NFIA: variants seen among roughly 807,000 people sequenced by gnomAD.
The protein encoded by NFIA is nuclear factor I A.
A neutral mutation model predicts 62.8 loss-of-function variants in NFIA; 8 were observed. The observed-to-expected ratio is 0.13, with a 90% CI of 0.07 to 0.23. NFIA has a LOEUF of 0.23. Among genes scored for constraint, NFIA ranks in the 10% least tolerant of loss-of-function variants. The pLI is 1.00. For missense variants in NFIA, 410 were observed against 642.1 expected (o/e 0.64, Z 3.91); for synonymous variants, 235 against 238.1 (o/e 0.99, Z 0.12).
intron 4 of NFIA, among the ~76,000 whole-genome samples, chr1:61,341,917 T>C (rs1482933364): frequency 6.6e-6 from 1 of 152,184 alleles, no homozygotes; most frequent in African/African-American, 2.4e-5. Flanking sequence ...AAATCCTATA[T>C]TACCCTGCAG....
intron 6 of NFIA, among the ~76,000 whole-genome samples, chr1:61,374,186 A>G (rs1044436958): frequency 1.3e-5 from 2 of 152,238 alleles, no homozygotes; most frequent in Admixed American, 6.5e-5. Context: ...TGAATAAAAC[A>G]TTATGCTATT....
chr1:61,269,972 G>A (rs149782364), intron 2 of NFIA, among the ~76,000 whole-genome samples: 2 of 152,276 alleles, frequency 1.3e-5, no homozygotes, highest in Admixed American at 1.3e-4. Flanking sequence ...ATGTCTGTCT[G>A]GAATAAACAA....
intron 2 of NFIA, among the ~76,000 whole-genome samples, chr1:61,255,987 AT>A (rs1557665052): frequency 6.6e-6 from 1 of 152,170 alleles, no homozygotes; most frequent in Non-Finnish European, 1.5e-5. Context: ...AGCTCTGTAA[AT>A]ACCTAGCATA....
chr1:61,364,734 A>G (rs534382560), intron 6 of NFIA, among the ~76,000 whole-genome samples: 7 of 152,296 alleles, frequency 4.6e-5, no homozygotes, highest in African/African-American at 1.7e-4. Flanking sequence ...CCAACAGTGA[A>G]TCCTTTGTAG....
At chr1:61,302,475 A>G (rs1484465485) in intron 3 of NFIA, among the ~76,000 whole-genome samples, 2 of 152,190 alleles carry the variant, frequency 1.3e-5, no homozygotes, top group South Asian at 4.1e-4. Flanking sequence ...GTTTCTAAGA[A>G]TCTCAGTTTT....
rs59077539 is a variant in NFIA, at chr1:61,145,812, C to T, written c.559+57132C>T. ...TGAGGTTTAACTCTTCATTAATGAA[C>T]GCTGTCACATTTTCTCTCTTCTCTG... On this transcript the variant is annotated intron_variant, in intron 2 of 10. Transcript: ENST00000403491. Among the ~76,000 whole-genome samples, 614 of 152,248 alleles carry T rather than the reference C, an allele frequency of 4.0e-3. 27 individuals carry two copies. The East Asian group carries it at 0.081, about 20-fold the overall frequency.
At position 61,232,123 on chromosome 1, in the gene NFIA, A is replaced by G. The variant is rs1265386364; in HGVS notation, c.560-45397A>G. Among the ~76,000 whole-genome samples, 5 of 152,068 alleles carry G rather than the reference A, an allele frequency of 3.3e-5. No individual in the cohort carries two copies. In the East Asian group the frequency reaches 9.6e-4, roughly 29 times the overall value. On this transcript the variant is annotated intron_variant, in intron 2 of 10. Coordinates refer to ENST00000403491, the MANE Select transcript of NFIA (RefSeq NM_001134673.4). ...GTATAAAGCAAGTCCACAAAGATTA[A>G]ACAGAACAGAACAGTGATTCTGGAT...
chr1:61,230,224 G>GA (rs1271687592), intron 2 of NFIA, among the ~76,000 whole-genome samples: 1 of 152,110 alleles, frequency 6.6e-6, no homozygotes, highest in South Asian at 2.1e-4. Context: ...AGCTGTGACA[G>GA]AAAAAAGATC....
chr1:61,265,786 T>C (rs1373203799), intron 2 of NFIA, among the ~76,000 whole-genome samples: 2 of 152,212 alleles, frequency 1.3e-5, no homozygotes, highest in Non-Finnish European at 2.9e-5. Context: ...TGGGTCAAGA[T>C]ATAAAGGAAA....
chr1:61,286,107 T>C (rs899477364), intron 3 of NFIA, among the ~76,000 whole-genome samples: 6 of 152,150 alleles, frequency 3.9e-5, no homozygotes, highest in Non-Finnish European at 7.4e-5. Context: ...AATTTTCTCA[T>C]AAGTAATTTA....
chr1:61,193,863 A>C (rs1008928166), intron 2 of NFIA, among the ~76,000 whole-genome samples: 7 of 152,200 alleles, frequency 4.6e-5, no homozygotes, highest in Non-Finnish European at 2.9e-5. Flanking sequence ...TAGAAGTGAT[A>C]ATTGTAGTAC....
intron 3 of NFIA, 86 bp downstream of exon 3, chr1:61,277,671 C>T (rs1045422971): frequency 7.5e-7 from 1 of 1,341,288 alleles, no homozygotes. Context: ...TGGGGGCCTA[C>T]CCTATAAGTA....
intron 2 of NFIA, among the ~76,000 whole-genome samples, chr1:61,199,205 G>A (rs1277726968): frequency 6.6e-6 from 1 of 152,114 alleles, no homozygotes; most frequent in African/African-American, 2.4e-5. Context: ...CTCTTTTTAT[G>A]TTTACATTTG....
At chr1:61,278,657 A>T (rs2100279247) in intron 3 of NFIA, among the ~76,000 whole-genome samples, 1 of 152,296 alleles carries the variant, frequency 6.6e-6, no homozygotes, top group South Asian at 2.1e-4. Flanking sequence ...TCGTAGTGGC[A>T]TGTGCCTGCT....
In NFIA at chr1:61,460,355, A is replaced by G. The variant is rs560278313; in HGVS notation, c.*5035A>G. The G allele has an allele frequency of 2.6e-5, 4 of 152,362 alleles. No individual in the cohort carries two copies. The South Asian group carries it at 8.3e-4, about 32-fold the overall frequency. The allele number at this position is 152,362 out of a possible 1,614,324, so 9.4% of individuals were successfully genotyped here. A position where few individuals can be genotyped will look rare whatever the true frequency, so the allele number is the denominator to read the frequency against. ...AAGCTATTCCATAGCACTTAACTGT[A>G]GTGAATACTGTGTCACCAATTTTGA... is the stretch of plus-strand genomic sequence containing the variant. On this transcript the variant is annotated 3_prime_UTR_variant, in exon 11 of 11. Coordinates refer to ENST00000403491, the MANE Select transcript of NFIA (RefSeq NM_001134673.4).
intron 2 of NFIA, among the ~76,000 whole-genome samples, chr1:61,201,520 C>CAA (rs200763519): frequency 1.5e-3 from 136 of 92,324 alleles, no homozygotes; most frequent in African/African-American, 4.9e-3. Flanking sequence ...AACTAAAAAA[C>CAA]AAAAAAAAAA....
At chr1:61,288,556 A>G (rs1303739786) in intron 3 of NFIA, among the ~76,000 whole-genome samples, 1 of 152,240 alleles carries the variant, frequency 6.6e-6, no homozygotes, top group Non-Finnish European at 1.5e-5. Context: ...TTTGGTGATA[A>G]TAATCATAAT....
At chr1:61,217,923 T>G (rs1462378690) in intron 2 of NFIA, among the ~76,000 whole-genome samples, 1 of 152,190 alleles carries the variant, frequency 6.6e-6, no homozygotes, top group Non-Finnish European at 1.5e-5. Context: ...CATACCTATA[T>G]TATGGCACTG....
intron 2 of NFIA, among the ~76,000 whole-genome samples, chr1:61,118,347 G>T (rs985865985): frequency 2.6e-5 from 4 of 152,126 alleles, no homozygotes; most frequent in Non-Finnish European, 5.9e-5. Flanking sequence ...ATTTTAGGTG[G>T]TTTATTTATT....
Sources: gnomAD v4.1 joint callset for allele counts (sites outside exome capture counted in the v4.1 genomes callset) on GRCh38, gnomAD v4.1.1 for gene constraint, MANE v1.5 for transcripts, NCBI Gene and HGNC (gene_info 2026-07-23, HGNC 2026-07-21) for gene names.